WDFY2: variants seen among roughly 807,000 people sequenced by gnomAD.
WDFY2 encodes the protein WD repeat and FYVE domain containing 2.
A neutral mutation model predicts 56.4 loss-of-function variants in WDFY2; 36 were observed. The ratio of observed to expected loss-of-function variants is 0.64; its 90% CI spans 0.49 to 0.84. WDFY2 has a LOEUF of 0.84. WDFY2 is among the 40% of genes least tolerant of loss of function. The pLI is 0.00. For synonymous variants in WDFY2, 176 were observed against 183.7 expected, an observed-to-expected ratio of 0.96 and a Z score of 0.34; for missense variants, 444 against 512.2, an observed-to-expected ratio of 0.87 and a Z score of 1.29.
At chr13:51,722,893 CTTG>C (rs1952522848) in intron 5 of WDFY2, among the ~76,000 whole-genome samples, 1 of 152,184 alleles carries the variant, frequency 6.6e-6, no homozygotes, top group Non-Finnish European at 1.5e-5. Flanking sequence ...TTGTCAGTGT[CTTG>C]TTATTTGACC....
chr13:51,677,349 TAGAA>T (rs772899798), intron 3 of WDFY2, among the ~76,000 whole-genome samples: 11 of 152,228 alleles, frequency 7.2e-5, no homozygotes, highest in Non-Finnish European at 1.3e-4. Flanking sequence ...TCTATGGAAT[TAGAA>T]AGAGTTCTAT....
chr13:51,648,941 G>A lies in WDFY2; in HGVS notation c.138-11655G>A, dbSNP rs535312887. ...GCAGGTGGATCGCTTGAGGTCAGAG[G>A]TTCAAGACCAGCCAAGCCAATATGG... On this transcript the variant is annotated intron_variant, in intron 1 of 11. Transcript: ENST00000298125. Among the ~76,000 whole-genome samples the A allele has an allele frequency of 2.0e-5, 3 of 152,090 alleles. No individual in the cohort carries two copies. The South Asian group carries it at 6.2e-4, about 32-fold the overall frequency.
intron 7 of WDFY2, among the ~76,000 whole-genome samples, chr13:51,742,590 C>G (rs1369661901): frequency 6.6e-6 from 1 of 152,302 alleles, no homozygotes; most frequent in East Asian, 1.9e-4. Flanking sequence ...TTTTAGAACC[C>G]TTTTAAATTC....
chr13:51,611,592 T>C (rs1362326074), intron 1 of WDFY2, among the ~76,000 whole-genome samples: 1 of 152,228 alleles, frequency 6.6e-6, no homozygotes, highest in Non-Finnish European at 1.5e-5. Flanking sequence ...ATCTGTTCAG[T>C]TGTCTGCTTC....
chr13:51,591,089 G>T (rs1954035033), intron 1 of WDFY2: 1 of 152,292 alleles, frequency 6.6e-6, no homozygotes, highest in East Asian at 1.9e-4. Context: ...CTAAGCTTCA[G>T]TTTGTCCATC....
intron 3 of WDFY2, among the ~76,000 whole-genome samples, chr13:51,682,998 G>T (rs1956003499): frequency 6.6e-6 from 1 of 152,146 alleles, no homozygotes. Context: ...TTCTGACATG[G>T]ACACTCTTTT....
intron 1 of WDFY2, among the ~76,000 whole-genome samples, chr13:51,618,332 A>G (rs547957760): frequency 1.3e-5 from 2 of 152,314 alleles, no homozygotes; most frequent in South Asian, 4.2e-4. Flanking sequence ...AGTAGCAATG[A>G]TATTGATAAT....
At chr13:51,757,687 G>T (rs1366527947) in intron 10 of WDFY2, among the ~76,000 whole-genome samples, 1 of 151,336 alleles carries the variant, frequency 6.6e-6, no homozygotes, top group Non-Finnish European at 1.5e-5. Context: ...TTTTTATTTT[G>T]TTTTGCTTGT....
chr13:51,723,318 T>A (rs1218936447), intron 5 of WDFY2, among the ~76,000 whole-genome samples: 1 of 152,242 alleles, frequency 6.6e-6, no homozygotes, highest in Non-Finnish European at 1.5e-5. Flanking sequence ...CTCCTTGATA[T>A]TGTTGAATTT....
intron 3 of WDFY2, among the ~76,000 whole-genome samples, chr13:51,675,571 C>A (rs953416375): frequency 1.3e-5 from 2 of 152,178 alleles, no homozygotes; most frequent in Non-Finnish European, 2.9e-5. Context: ...GATGGTTAAT[C>A]ATGGTGCCTT....
chr13:51,709,162 C>G (rs1054661657), intron 4 of WDFY2, among the ~76,000 whole-genome samples: 1 of 152,198 alleles, frequency 6.6e-6, no homozygotes, highest in African/African-American at 2.4e-5. Flanking sequence ...CAAACTTGCT[C>G]TCATTGACAT....
At chr13:51,628,601 TC>T (rs1954884053) in intron 1 of WDFY2, among the ~76,000 whole-genome samples, 1 of 152,076 alleles carries the variant, frequency 6.6e-6, no homozygotes, top group Non-Finnish European at 1.5e-5. Context: ...AGAGCGAGTA[TC>T]CCTAGCGGCA....
At chr13:51,743,725 G>A (rs939401739) in intron 7 of WDFY2, among the ~76,000 whole-genome samples, 12 of 152,196 alleles carry the variant, frequency 7.9e-5, no homozygotes, top group Non-Finnish European at 1.5e-4. Flanking sequence ...TTGTGGAGAC[G>A]TGCTAGAAGT....
chr13:51,752,604 G>A (rs1000172116), intron 8 of WDFY2, among the ~76,000 whole-genome samples: 1 of 152,174 alleles, frequency 6.6e-6, no homozygotes, highest in Non-Finnish European at 1.5e-5. Context: ...GCCTGGACCC[G>A]TTATGGACAG....
At chr13:51,681,441 G>A (rs566588613) in intron 3 of WDFY2, among the ~76,000 whole-genome samples, 3 of 152,266 alleles carry the variant, frequency 2.0e-5, no homozygotes, top group Admixed American at 6.5e-5. Context: ...AAATGTGTGC[G>A]TGGAATCTAT....
Position 51,615,875 on chromosome 13 carries a change from CTG to C in WDFY2, c.137+31061_137+31062del, listed in dbSNP as rs1354255755. ...TGAATTTTTTGCTAGGTGAATTATT[CTG>C]TGTGTGTGTTTTGCAAGGATGGATT... On this transcript the variant is annotated intron_variant, in intron 1 of 11. Transcript: ENST00000298125. Among the ~76,000 whole-genome samples, 5 of 152,106 alleles carry C rather than the reference CTG, an allele frequency of 3.3e-5. No homozygotes were observed. The East Asian group carries it at 9.6e-4, about 29-fold the overall frequency.
chr13:51,759,009 C>T (rs1006867311), intron 11 of WDFY2, among the ~76,000 whole-genome samples: 1 of 152,102 alleles, frequency 6.6e-6, no homozygotes, highest in South Asian at 2.1e-4. Flanking sequence ...TAGTGTGACC[C>T]TGTCTTAACA....
At chr13:51,716,802 T>C (rs1168956862) in intron 4 of WDFY2, among the ~76,000 whole-genome samples, 2 of 136,522 alleles carry the variant, frequency 1.5e-5, no homozygotes, top group Non-Finnish European at 3.1e-5. Flanking sequence ...AACTAGCAAA[T>C]TGACCCCAAC....
Position 51,716,798 on chromosome 13 carries a change from C to G in WDFY2, c.335-2400C>G, listed in dbSNP as rs1431023744. Among the ~76,000 whole-genome samples, 7 of 135,996 alleles carry G rather than the reference C, an allele frequency of 5.1e-5. No homozygotes were observed. In the South Asian group the frequency reaches 1.6e-3, roughly 32 times the overall value. The allele number at this position is 135,996 out of a possible 152,430, so 89.2% of individuals were successfully genotyped here. ...TCATGAAAAAAAAAAAAAAAACTAG[C>G]AAATTGACCCCAACCATATATTAAA... On this transcript the variant is annotated intron_variant, in intron 4 of 11. Transcript: ENST00000298125.
Sources: gnomAD v4.1 joint callset for allele counts (sites outside exome capture counted in the v4.1 genomes callset) on GRCh38, gnomAD v4.1.1 for gene constraint, MANE v1.5 for transcripts, NCBI Gene and HGNC (gene_info 2026-07-23, HGNC 2026-07-21) for gene names.